The following ACYP2 variants were observed in gnomAD, a reference collection of about 807,000 sequenced individuals.
The protein encoded by ACYP2 is acylphosphatase-2.
Under a neutral mutation model 11.2 loss-of-function variants are expected in ACYP2, and 12 were observed. The ratio of observed to expected loss-of-function variants is 1.08; its 90% CI spans 0.69 to 1.74. The LOEUF is 1.74. Ranked by LOEUF, ACYP2 falls within the 40% of genes most tolerant of loss-of-function variation. The pLI, the probability that ACYP2 is intolerant of heterozygous loss-of-function variation, is 0.00. For missense variants in ACYP2, 134 were observed against 101.9 expected, an observed-to-expected ratio of 1.31 and a Z score of -1.35; for synonymous variants, 43 against 32.2, an observed-to-expected ratio of 1.33 and a Z score of -1.13.
At chr2:54,112,425 C>T (rs949069929) in intron 4 of ACYP2, among the ~76,000 whole-genome samples, 2 of 150,356 alleles carry the variant, frequency 1.3e-5, no homozygotes, top group Non-Finnish European at 3.0e-5. Context: ...TAAATTGGCA[C>T]AGCCCTTCGA....
intron 6 of ACYP2, among the ~76,000 whole-genome samples, chr2:54,182,021 CAAAG>C (rs200241209): frequency 0.015 from 2,060 of 135,838 alleles, 18 homozygotes; most frequent in Non-Finnish European, 0.022. Flanking sequence ...CTAAAAATAA[CAAAG>C]AAAACAGAAA....
At chr2:54,055,858 T>C (rs1676114260) in intron 3 of ACYP2, among the ~76,000 whole-genome samples, 1 of 152,228 alleles carries the variant, frequency 6.6e-6, no homozygotes, top group Non-Finnish European at 1.5e-5. Flanking sequence ...TTCTGTAACA[T>C]GTGTTGTGAT....
At chr2:54,262,400 A>T (rs1055346184) in intron 6 of ACYP2, among the ~76,000 whole-genome samples, 5 of 152,288 alleles carry the variant, frequency 3.3e-5, no homozygotes, top group African/African-American at 1.2e-4. Flanking sequence ...TTTAAAATAG[A>T]TATTATAAAA....
chr2:54,097,884 C>G (rs1678678855), intron 4 of ACYP2, among the ~76,000 whole-genome samples: 2 of 118,876 alleles, frequency 1.7e-5, no homozygotes, highest in African/African-American at 7.2e-5. Context: ...CTCTCTCTCT[C>G]TCCCCTCCCT....
chr2:54,041,722 G>C (rs978062912), intron 2 of ACYP2, among the ~76,000 whole-genome samples: 1 of 152,196 alleles, frequency 6.6e-6, no homozygotes, highest in Non-Finnish European at 1.5e-5. Flanking sequence ...CATAATATAA[G>C]TGAGTTTAAG....
At chr2:54,202,984 G>T (rs879365952) in intron 6 of ACYP2, among the ~76,000 whole-genome samples, 1 of 151,932 alleles carries the variant, frequency 6.6e-6, no homozygotes, top group Non-Finnish European at 1.5e-5. Flanking sequence ...TTTAGGATCA[G>T]CTTGTTTATT....
chr2:53,971,161 C>G lies in ACYP2; in HGVS notation c.-197C>G, dbSNP rs1192602994. 5.2e-6 allele frequency: 1 copy of G among 192,784 alleles called. No individual in the cohort carries two copies. Among genetic ancestry groups the G allele is most frequent in the East Asian group, 1.3e-4 (1 of 7,630 alleles). The allele number at this position is 192,784 out of a possible 1,614,324, so 11.9% of individuals were successfully genotyped here. ...GGGCTGCGCCTTCTTCGCCGTGGGC[C>G]CGGCTCGGAGCCCCCACCCCAGGCC... On this transcript the variant is annotated 5_prime_UTR_variant, in exon 1 of 7. Coordinates refer to ENST00000607452, the MANE Select transcript of ACYP2 (RefSeq NM_001320586.2).
In ACYP2 at chr2:54,135,173, C is replaced by T. The variant is rs140447309; in HGVS notation, c.278-280C>T. Among the ~76,000 whole-genome samples the T allele has an allele frequency of 5.3e-3, 800 of 152,292 alleles. 12 individuals carry two copies. Among genetic ancestry groups the T allele is most frequent in the African/African-American group, 0.018 (728 of 41,566 alleles). On this transcript the variant is annotated intron_variant, in intron 4 of 6. Coordinates refer to ENST00000607452, the MANE Select transcript of ACYP2 (RefSeq NM_001320586.2). The stretch of plus-strand genomic sequence containing the variant: ...GATCTGATAACCAAGAGAGTGTCTA[C>T]AGTGTGGATCTGCTGGACAAAGGGA...
At chr2:54,256,038 A>G in intron 6 of ACYP2, 1 of 1,614,038 alleles carries the variant, frequency 6.2e-7, no homozygotes, top group Non-Finnish European at 8.5e-7. Flanking sequence ...CATCAAACAT[A>G]TCTGCCATTA....
At chr2:54,019,102 T>TGTG (rs1673855140) in intron 2 of ACYP2, among the ~76,000 whole-genome samples, 2 of 151,600 alleles carry the variant, frequency 1.3e-5, no homozygotes, top group South Asian at 4.2e-4. Flanking sequence ...GGCCTTGCTC[T>TGTG]GTCACCCAAG....
At chr2:54,241,227 A>G (rs1174552858) in intron 6 of ACYP2, among the ~76,000 whole-genome samples, 1 of 152,252 alleles carries the variant, frequency 6.6e-6, no homozygotes, top group Non-Finnish European at 1.5e-5. Flanking sequence ...TCTCTAATTT[A>G]GGGATATCAT....
chr2:54,201,640 T>TTC (rs1180595234), intron 6 of ACYP2, among the ~76,000 whole-genome samples: 3 of 60,662 alleles, frequency 4.9e-5, no homozygotes, highest in Admixed American at 1.5e-4. Context: ...TTCTTTCTCT[T>TTC]TCTTTCTTTC....
At chr2:53,991,389 G>T (rs1443761509) in intron 2 of ACYP2, among the ~76,000 whole-genome samples, 1 of 151,556 alleles carries the variant, frequency 6.6e-6, no homozygotes, top group Non-Finnish European at 1.5e-5. Context: ...AGAATGGCTG[G>T]TGTATGTGTA....
At chr2:54,049,924 C>G (rs1478959381) in intron 2 of ACYP2, among the ~76,000 whole-genome samples, 1 of 152,146 alleles carries the variant, frequency 6.6e-6, no homozygotes, top group African/African-American at 2.4e-5. Context: ...GCCCTGGTTT[C>G]TTTCATTGAA....
chr2:53,975,372 C>T (rs921191078), intron 2 of ACYP2: 1 of 397,814 alleles, frequency 2.5e-6, no homozygotes, highest in African/African-American at 2.1e-5. Context: ...TCATGGAGAA[C>T]ACTATTGAAA....
chr2:54,015,823 A>G (rs1188799351), intron 2 of ACYP2, among the ~76,000 whole-genome samples: 1 of 152,104 alleles, frequency 6.6e-6, no homozygotes, highest in Non-Finnish European at 1.5e-5. Context: ...AGTAGATTAC[A>G]CTGAGTTGTC....
intron 2 of ACYP2, among the ~76,000 whole-genome samples, chr2:54,027,210 C>G (rs565090423): frequency 6.6e-6 from 1 of 152,256 alleles, no homozygotes; most frequent in East Asian, 1.9e-4. Context: ...GCAGGAGGGT[C>G]TCTTTGACCT....
intron 6 of ACYP2, among the ~76,000 whole-genome samples, chr2:54,292,724 G>T (rs1689363401): frequency 1.3e-5 from 2 of 151,224 alleles, no homozygotes; most frequent in Admixed American, 6.6e-5. Context: ...ATGTATCTCT[G>T]AATTCTCCTT....
chr2:54,132,378 C>T (rs1680954228), intron 4 of ACYP2, among the ~76,000 whole-genome samples: 2 of 152,172 alleles, frequency 1.3e-5, no homozygotes, highest in African/African-American at 4.8e-5. Context: ...CATTCCTCCA[C>T]ATTGAACATC....
Sources: gnomAD v4.1 joint callset for allele counts (sites outside exome capture counted in the v4.1 genomes callset) on GRCh38, gnomAD v4.1.1 for gene constraint, MANE v1.5 for transcripts, NCBI Gene and HGNC (gene_info 2026-07-23, HGNC 2026-07-21) for gene names.